WASHC4: variants seen among roughly 807,000 people sequenced by gnomAD.
WASHC4 encodes the protein WASH complex subunit 4, also known as WASH complex subunit 7.
A neutral mutation model predicts 166.6 loss-of-function variants in WASHC4; 86 were observed. The ratio of observed to expected loss-of-function variants is 0.52; its 90% CI spans 0.43 to 0.62. The LOEUF is 0.62. WASHC4 is among the 20% of genes least tolerant of loss of function. The pLI is 0.00. For synonymous variants in WASHC4, 446 were observed against 451.6 expected, an observed-to-expected ratio of 0.99 and a Z score of 0.16; for missense variants, 1,262 against 1,382.4, an observed-to-expected ratio of 0.91 and a Z score of 1.38.
intron 15 of WASHC4, among the ~76,000 whole-genome samples, chr12:105,139,617 T>C (rs908840438): frequency 6.6e-6 from 1 of 151,570 alleles, no homozygotes; most frequent in Non-Finnish European, 1.5e-5. Context: ...TGATGGTAAA[T>C]ATCCTTTCAA....
chr12:105,150,939 C>T (rs1883708851), intron 25 of WASHC4, among the ~76,000 whole-genome samples: 1 of 151,880 alleles, frequency 6.6e-6, no homozygotes, highest in South Asian at 2.1e-4. Flanking sequence ...GGAAACTGCC[C>T]CCATGATTCA....
intron 24 of WASHC4, chr12:105,148,661 C>G: frequency 2.0e-6 from 2 of 985,208 alleles, no homozygotes; most frequent in Non-Finnish European, 2.4e-6. Flanking sequence ...GTTTAAGCTA[C>G]AAGATAAGTT....
At chr12:105,151,145 C>CAAAAA (rs34655671) in intron 25 of WASHC4, among the ~76,000 whole-genome samples, 1 of 61,006 alleles carries the variant, frequency 1.6e-5, no homozygotes, top group African/African-American at 6.8e-5. Context: ...GACTCTGTCT[C>CAAAAA]AAAAAAAAAA....
chr12:105,167,124 A>AT lies in WASHC4; in HGVS notation c.*194dup, dbSNP rs1267721729. 1.6e-5 allele frequency: 9 copies of AT among 549,772 alleles called. No individual in the cohort carries two copies. The highest frequency in any genetic ancestry group is 2.9e-5 in the Non-Finnish European group (9 of 307,306). 34.1% of individuals were successfully genotyped at this position (549,772 alleles called of 1,614,324 possible). On this transcript the variant is annotated 3_prime_UTR_variant, in exon 33 of 33. Coordinates refer to ENST00000332180, the MANE Select transcript of WASHC4 (RefSeq NM_015275.3). ...AAGGCTCTACTTTCAAAGGTTAAGA[A>AT]TGAGATTTTAAAATTGGATTTTTGC...
rs953722607 is a variant in WASHC4 at position 105,149,764 on chromosome 12, C to T, written c.2649+15C>T. On this transcript the variant is annotated intron_variant, in intron 25 of 32. Transcript: ENST00000332180. ...ATGATCATAAGGTAGGCTACCTATT[C>T]TTTTTAAGGTATTTGATTAAGCTAT... 1.9e-6 allele frequency: 3 copies of T among 1,584,848 alleles called. No individual in the cohort carries two copies. Among genetic ancestry groups the T allele is most frequent in the Admixed American group, 3.4e-5 (2 of 58,010 alleles).
At chr12:105,135,502 G>T (rs1882236843) in intron 14 of WASHC4, among the ~76,000 whole-genome samples, 1 of 150,944 alleles carries the variant, frequency 6.6e-6, no homozygotes, top group Non-Finnish European at 1.5e-5. Flanking sequence ...TCTAAAATAT[G>T]TATCTTTCTT....
chr12:105,114,702 G>A (rs113081193), intron 4 of WASHC4, among the ~76,000 whole-genome samples: 33 of 152,078 alleles, frequency 2.2e-4, no homozygotes, highest in African/African-American at 7.5e-4. Context: ...CATCTTACTG[G>A]TAGTCAACAG....
chr12:105,121,162 A>T lies in WASHC4; in HGVS notation c.623A>T (p.Asp208Val). 6.2e-7 allele frequency: 1 copy of T among 1,611,488 alleles called. No individual in the cohort carries two copies. Among genetic ancestry groups the T allele is most frequent in the South Asian group, 1.1e-5 (1 of 91,062 alleles). The change falls in exon 9 of 33, where the codon GAT becomes GTT. Residue 208 changes from aspartate (D) to valine (V), a missense_variant. By Grantham distance (152) the Asp-to-Val change is radical. Transcript: ENST00000332180. ...TTGCTCACCCTGGATGAAATTATTGATAATCATATCACACTGAAAGACCAC... is the reference window on the plus strand; with the variant it reads ...TTGCTCACCCTGGATGAAATTATTGTTAATCATATCACACTGAAAGACCAC... Reference protein sequence around the residue: ...TVLLTLDEIIDNHITLKDHWT... With the variant: ...TVLLTLDEIIVNHITLKDHWT...
intron 27 of WASHC4, among the ~76,000 whole-genome samples, 177 bp from the exon 28 acceptor site, chr12:105,157,055 TATTC>T (rs1390371771): frequency 6.6e-6 from 1 of 152,222 alleles, no homozygotes; most frequent in Admixed American, 6.5e-5. Flanking sequence ...AGGATTAAAA[TATTC>T]ATATCTAAAA....
intron 7 of WASHC4, 84 bp from the exon 8 acceptor site, chr12:105,120,471 C>A: frequency 1.3e-6 from 1 of 799,088 alleles, no homozygotes. Context: ...ATTCCAAGAT[C>A]ATCTGCTCCT....
intron 14 of WASHC4, among the ~76,000 whole-genome samples, chr12:105,136,223 G>A (rs1196813): frequency 0.88 from 133,673 of 152,154 alleles, 59,007 homozygotes; most frequent in East Asian, 1. Flanking sequence ...CCAAGCTCCT[G>A]TTTTTATTTC....
chr12:105,156,983 ATT>A (rs1884202177), intron 27 of WASHC4, among the ~76,000 whole-genome samples, 191 bp downstream of exon 27: 1 of 152,176 alleles, frequency 6.6e-6, no homozygotes, highest in South Asian at 2.1e-4. Flanking sequence ...TTCTGAAAAT[ATT>A]TCTCTTAAGT....
intron 9 of WASHC4, among the ~76,000 whole-genome samples, chr12:105,121,869 A>G (rs9668528): frequency 0.016 from 2,414 of 152,068 alleles, 42 homozygotes; most frequent in African/African-American, 0.041. Flanking sequence ...TTTTTAGACC[A>G]TGGTTTATTT....
chr12:105,115,268 TTGAAA>T, intron 5 of WASHC4, 39 bp downstream of exon 5: 1 of 1,242,944 alleles, frequency 8.0e-7, no homozygotes, highest in Non-Finnish European at 1.2e-6. Flanking sequence ...CTTTTTGATA[TTGAAA>T]TGAACAAAAA....
At chr12:105,116,908 C>T (rs1051521855) in intron 6 of WASHC4, among the ~76,000 whole-genome samples, 1 of 152,124 alleles carries the variant, frequency 6.6e-6, no homozygotes, top group African/African-American at 2.4e-5. Flanking sequence ...GGAGAAGAAG[C>T]CCCATGAAAC....
chr12:105,109,524 A>G (rs535428002), intron 1 of WASHC4, among the ~76,000 whole-genome samples: 1 of 152,156 alleles, frequency 6.6e-6, no homozygotes, highest in African/African-American at 2.4e-5. Flanking sequence ...ACTTTCACCA[A>G]TTTTACAACC....
In WASHC4 at chr12:105,157,299, A is replaced by G; in HGVS notation, c.2889A>G (p.Ala963=). The G allele has an allele frequency of 1.9e-6, 3 of 1,555,894 alleles. No homozygotes were observed. The highest frequency in any genetic ancestry group is 2.7e-6 in the Non-Finnish European group (3 of 1,131,372). The change falls in exon 28 of 33, where the codon GCA becomes GCG. Residue 963 remains alanine, a synonymous_variant. Coordinates refer to ENST00000332180, the MANE Select transcript of WASHC4 (RefSeq NM_015275.3). ...AACTAGTAAAAGAAGAAGGTCTTGC[A>G]GAAGAAACATTAAAAGCAGCAAGGT... ...FEELVKEEGL[A]EETLKAARHL... is the part of the protein sequence containing the mutation.
intron 4 of WASHC4, 103 bp from the exon 5 acceptor site, chr12:105,115,081 A>G (rs1880054799): frequency 6.2e-6 from 4 of 646,990 alleles, no homozygotes; most frequent in Non-Finnish European, 1.1e-5. Flanking sequence ...TATGCAAATG[A>G]TGTAGCCCTC....
At chr12:105,154,671 T>C (rs1460963241) in intron 26 of WASHC4, among the ~76,000 whole-genome samples, 1 of 152,260 alleles carries the variant, frequency 6.6e-6, no homozygotes, top group East Asian at 1.9e-4. Context: ...TTGAGCTTAA[T>C]TTACCAGATG....
Sources: allele counts gnomAD v4.1 joint callset (sites outside exome capture counted in the v4.1 genomes callset), GRCh38; gene constraint gnomAD v4.1.1; transcripts MANE v1.5; gene names NCBI Gene and HGNC (gene_info 2026-07-23, HGNC 2026-07-21).